TMEM87B: variants seen among roughly 807,000 people sequenced by gnomAD.
The protein encoded by TMEM87B is transmembrane protein 87B.
In TMEM87B, 83 loss-of-function variants were observed where a neutral mutation model predicts 80.3. That is an observed-to-expected ratio of 1.03 (90% CI 0.87 to 1.24). TMEM87B has a LOEUF of 1.24. Among genes scored for constraint, TMEM87B ranks in the 50% most tolerant of loss-of-function variants. TMEM87B has a pLI of 0.00. For missense variants in TMEM87B, 625 were observed against 674.4 expected, an observed-to-expected ratio of 0.93 and a Z score of 0.81; for synonymous variants, 219 against 230.5, an observed-to-expected ratio of 0.95 and a Z score of 0.45.
intron 5 of TMEM87B, among the ~76,000 whole-genome samples, chr2:112,075,742 T>C (rs970637291): frequency 2.0e-5 from 3 of 152,218 alleles, no homozygotes; most frequent in Non-Finnish European, 4.4e-5. Context: ...TTTGCTTTTA[T>C]ACTATGACTC....
chr2:112,085,704 AAG>A (rs1208531426), intron 8 of TMEM87B, among the ~76,000 whole-genome samples: 1 of 152,230 alleles, frequency 6.6e-6, no homozygotes, highest in Non-Finnish European at 1.5e-5. Context: ...ACAGGACAAG[AAG>A]AGAGAGTTCT....
intron 13 of TMEM87B, among the ~76,000 whole-genome samples, chr2:112,097,724 A>C (rs958690802): frequency 1.3e-5 from 2 of 151,562 alleles, no homozygotes; most frequent in Non-Finnish European, 2.9e-5. Flanking sequence ...AAAAAAAAAA[A>C]AAAAAAAAAA....
intron 4 of TMEM87B, among the ~76,000 whole-genome samples, chr2:112,069,065 G>A (rs968775925): frequency 2.1e-4 from 32 of 150,766 alleles, no homozygotes; most frequent in Non-Finnish European, 2.7e-4. Context: ...GGTGGCGGGC[G>A]CCTGTAGTCC....
chr2:112,097,397 T>C (rs1679502654), intron 13 of TMEM87B, 106 bp downstream of exon 13: 1 of 1,024,806 alleles, frequency 9.8e-7, no homozygotes, highest in Non-Finnish European at 1.4e-6. Flanking sequence ...TTAATGGAGA[T>C]TTATGTTTTT....
intron 15 of TMEM87B, among the ~76,000 whole-genome samples, chr2:112,104,207 A>C (rs1679704685): frequency 6.6e-6 from 1 of 152,208 alleles, no homozygotes; most frequent in African/African-American, 2.4e-5. Flanking sequence ...AACAGTAACC[A>C]TTAAATTAAA....
At chr2:112,098,826 T>A (rs1679547866) in intron 14 of TMEM87B, 128 bp downstream of exon 14, 1 of 792,812 alleles carries the variant, frequency 1.3e-6, no homozygotes, top group South Asian at 1.7e-5. Context: ...AGTAGGGAGA[T>A]AAGCAAAACA....
intron 13 of TMEM87B, 135 bp from the exon 14 acceptor site, chr2:112,098,460 T>C: frequency 2.6e-6 from 2 of 757,668 alleles, no homozygotes; most frequent in Non-Finnish European, 4.3e-6. Flanking sequence ...CTTGAAAAAA[T>C]ATGTGCTTGT....
chr2:112,066,815 C>T (rs942246364), intron 3 of TMEM87B, 121 bp from the exon 4 acceptor site: 21 of 840,808 alleles, frequency 2.5e-5, no homozygotes, highest in Non-Finnish European at 3.5e-5. Flanking sequence ...TATTCTATTG[C>T]GTATTTCCAG....
chr2:112,107,936 A>G, intron 17 of TMEM87B, 96 bp downstream of exon 17: 3 of 739,628 alleles, frequency 4.1e-6, no homozygotes, highest in South Asian at 2.4e-5. Context: ...CAAACCTCGT[A>G]CTTGCATGTA....
chr2:112,087,326 C>T (rs1045749658), intron 9 of TMEM87B, among the ~76,000 whole-genome samples: 5 of 152,198 alleles, frequency 3.3e-5, no homozygotes, highest in Non-Finnish European at 7.3e-5. Context: ...CACGTGCACC[C>T]TCAGTGCTGC....
Position 112,098,582 on chromosome 2 carries a change from G to A in TMEM87B, c.1273-13G>A. The A allele has an allele frequency of 6.2e-7, 1 of 1,613,370 alleles. No individual in the cohort carries two copies. Among genetic ancestry groups the A allele is most frequent in the Non-Finnish European group, 8.5e-7 (1 of 1,179,366 alleles). ...AAAATTAACGTTTCATGCTTGAATT[G>A]TCCTTCTTTTAGGATTGGATGGAAC... is the stretch of plus-strand genomic sequence containing the variant. On this transcript the variant is annotated splice_polypyrimidine_tract_variant and intron_variant, in intron 13 of 18. Transcript: ENST00000283206.
At chr2:112,097,017 G>T in intron 11 of TMEM87B, 27 bp from the exon 12 acceptor site, 5 of 1,393,810 alleles carry the variant, frequency 3.6e-6, no homozygotes, top group South Asian at 2.5e-5. Context: ...ATTATTACTT[G>T]GAATGTTTTT....
rs557818729 is a variant in TMEM87B at position 112,117,850 on chromosome 2, T to C, written c.*1707T>C. On this transcript the variant is annotated 3_prime_UTR_variant, in exon 19 of 19. Coordinates refer to ENST00000283206, the MANE Select transcript of TMEM87B (RefSeq NM_032824.3). ...AGACAGATTGACCCCCTACTCATTA[T>C]GTGGCTCTAGTTGAATTTTAAAATG... 2 of 152,312 alleles carry C rather than the reference T, an allele frequency of 1.3e-5. No homozygotes were observed. Among genetic ancestry groups the C allele is most frequent in the South Asian group, 2.1e-4 (1 of 4,826 alleles). 9.4% of individuals were successfully genotyped at this position (152,312 alleles called of 1,614,324 possible). A position where few individuals can be genotyped will look rare whatever the true frequency, so the allele number is the denominator to read the frequency against.
intron 9 of TMEM87B, among the ~76,000 whole-genome samples, chr2:112,087,017 C>T (rs747293534): frequency 3.9e-5 from 6 of 152,160 alleles, no homozygotes; most frequent in African/African-American, 4.8e-5. Flanking sequence ...TTTAACATGT[C>T]GGTGTCAGTC....
Position 112,055,637 on chromosome 2 carries a change from C to T in TMEM87B, c.46C>T (p.Arg16Cys). 6.4e-7 allele frequency: 1 copy of T among 1,555,634 alleles called. No individual in the cohort carries two copies. The highest frequency in any genetic ancestry group is 1.2e-5 in the South Asian group (1 of 85,382). ...GGTAGCCGGGCTCCTGCCACGCCGC[C>T]GCCGCTGCTTTCCCGCCCGGGCCCC... ...RSVAGLLPRR[R>C]RCFPARAPLL... The change falls in exon 1 of 19, where the codon CGC becomes TGC. Residue 16 changes from arginine to cysteine, a missense_variant. Physicochemically the swap from Arg to Cys is radical, Grantham distance 180. Transcript: ENST00000283206.
chr2:112,061,405 G>A (rs1275921962), intron 2 of TMEM87B, among the ~76,000 whole-genome samples: 1 of 152,142 alleles, frequency 6.6e-6, no homozygotes, highest in Non-Finnish European at 1.5e-5. Context: ...CTCATTTGTT[G>A]GGGGCAATTC....
chr2:112,081,707 A>G (rs558795082), intron 8 of TMEM87B, among the ~76,000 whole-genome samples, 189 bp downstream of exon 8: 3 of 152,290 alleles, frequency 2.0e-5, no homozygotes, highest in South Asian at 2.1e-4. Flanking sequence ...TCTTCTCTTC[A>G]TTATCTGTTT....
At chr2:112,061,170 G>A (rs1316479382) in intron 2 of TMEM87B, among the ~76,000 whole-genome samples, 1 of 152,188 alleles carries the variant, frequency 6.6e-6, no homozygotes, top group African/African-American at 2.4e-5. Context: ...TCAATACTGA[G>A]ATACCAGAAC....
At position 112,118,250 on chromosome 2, in the gene TMEM87B, G is replaced by A. The variant is rs1680075544; in HGVS notation, c.*2107G>A. 1 of 152,136 alleles carries A rather than the reference G, an allele frequency of 6.6e-6. No individual in the cohort carries two copies. Among genetic ancestry groups the A allele is most frequent in the Admixed American group, 6.5e-5 (1 of 15,276 alleles). The allele number at this position is 152,136 out of a possible 1,614,324, so 9.4% of individuals were successfully genotyped here. ...TAGGCCCCTTACATACGCAAGAGGG[G>A]TGCTCTAGTGCCATAGCTGTAGTTC... On this transcript the variant is annotated 3_prime_UTR_variant, in exon 19 of 19. Transcript: ENST00000283206.
Sources: allele counts gnomAD v4.1 joint callset (sites outside exome capture counted in the v4.1 genomes callset), GRCh38; gene constraint gnomAD v4.1.1; transcripts MANE v1.5; gene names NCBI Gene and HGNC (gene_info 2026-07-23, HGNC 2026-07-21).